The following SLC5A4 variants were observed in gnomAD, a reference collection of about 807,000 sequenced individuals.
SLC5A4 encodes the protein probable glucose sensor protein SLC5A4.
In SLC5A4, 55 loss-of-function variants were observed where a neutral mutation model predicts 70.3. The observed-to-expected ratio is 0.78, with a 90% CI of 0.63 to 0.98. The LOEUF is 0.98. SLC5A4 is among the 50% of genes least tolerant of loss of function. The pLI, the probability that SLC5A4 is intolerant of heterozygous loss-of-function variation, is 0.00. For synonymous variants in SLC5A4, 268 were observed against 305.7 expected, an observed-to-expected ratio of 0.88 and a Z score of 1.29; for missense variants, 735 against 839.2, an observed-to-expected ratio of 0.88 and a Z score of 1.53.
At chr22:32,219,749 A>G (rs1476604380) in intron 14 of SLC5A4, among the ~76,000 whole-genome samples, 1 of 151,944 alleles carries the variant, frequency 6.6e-6, no homozygotes, top group Admixed American at 6.6e-5. Flanking sequence ...CAAAGCCAGA[A>G]GTTAGTTCTT....
Position 32,247,452 on chromosome 22 carries a change from A to G in SLC5A4, c.436T>C (p.Ser146Pro). 6.2e-7 allele frequency: 1 copy of G among 1,613,776 alleles called. No individual in the cohort carries two copies. Among genetic ancestry groups the G allele is most frequent in the Non-Finnish European group, 8.5e-7 (1 of 1,179,644 alleles). Residue 146 changes from serine to proline, a missense_variant, in exon 5 of 15, where the codon TCC (serine) becomes CCC (proline). Transcript: ENST00000266086. Reference protein sequence around the residue: ...FGGERLQVYLSILSLFICVVL... With the variant: ...FGGERLQVYLPILSLFICVVL... Reference sequence around the variant, plus strand: ...ACACAGATGAAGAGGGAGAGGATGGAGAGGTAGACCTGGAGTCGCTCCCCA... The same window carrying G: ...ACACAGATGAAGAGGGAGAGGATGGGGAGGTAGACCTGGAGTCGCTCCCCA...
chr22:32,297,632 G>T, the SLC5A4 span, among the ~76,000 whole-genome samples: 1 of 112,510 alleles, frequency 8.9e-6, no homozygotes, highest in African/African-American at 3.3e-5. Flanking sequence ...TTTTTGAAGG[G>T]TTTTTTGTGT....
At chr22:32,289,643 G>A in the SLC5A4 span, among the ~76,000 whole-genome samples, 4,397 of 152,248 alleles carry the variant, frequency 0.029, 217 homozygotes, top group African/African-American at 0.1. Flanking sequence ...CTTGTGAAGA[G>A]GTGCCTTCTG....
At chr22:32,330,541 T>G in the SLC5A4 span, among the ~76,000 whole-genome samples, 1 of 124,422 alleles carries the variant, frequency 8.0e-6, no homozygotes, top group South Asian at 3.1e-4. Context: ...TGTTGGGGGC[T>G]CTGGTGTGTA....
the SLC5A4 span, among the ~76,000 whole-genome samples, chr22:32,308,847 T>G: frequency 2.6e-5 from 4 of 151,888 alleles, no homozygotes; most frequent in African/African-American, 7.2e-5. Context: ...CATGTATGCA[T>G]ATGTATGCAT....
the SLC5A4 span, chr22:32,327,146 T>G: frequency 2.0e-5 from 3 of 152,266 alleles, no homozygotes; most frequent in Non-Finnish European, 2.9e-5. Context: ...ATGTGTGCAT[T>G]CATTTCACCA....
chr22:32,243,114 G>C (rs1311621243), intron 5 of SLC5A4, among the ~76,000 whole-genome samples: 1 of 152,092 alleles, frequency 6.6e-6, no homozygotes, highest in East Asian at 1.9e-4. Context: ...GGAACAGACG[G>C]GCATTGAATG....
the SLC5A4 span, chr22:32,270,575 A>G: frequency 1.4e-6 from 1 of 727,048 alleles, no homozygotes. Flanking sequence ...ATGGGGCAGG[A>G]GATCATGGAG....
At chr22:32,316,547 A>C in the SLC5A4 span, among the ~76,000 whole-genome samples, 1 of 151,694 alleles carries the variant, frequency 6.6e-6, no homozygotes, top group African/African-American at 2.4e-5. Context: ...TACTTTTTTT[A>C]AAGACAGAGT....
chr22:32,343,117 C>T, the SLC5A4 span: 1 of 152,244 alleles, frequency 6.6e-6, no homozygotes, highest in African/African-American at 2.4e-5. Context: ...TGACAAAGGT[C>T]TTTATGACCA....
chr22:32,267,850 C>T, the SLC5A4 span, among the ~76,000 whole-genome samples: 11 of 152,304 alleles, frequency 7.2e-5, no homozygotes, highest in South Asian at 1.7e-3. Context: ...CCTGGCTGGA[C>T]GTGGTGGCTC....
chr22:32,329,112 A>G, the SLC5A4 span, among the ~76,000 whole-genome samples: 1 of 152,228 alleles, frequency 6.6e-6, no homozygotes, highest in South Asian at 2.1e-4. Context: ...GCTTCTCTGC[A>G]TCACACTTTC....
chr22:32,307,285 C>A, the SLC5A4 span, among the ~76,000 whole-genome samples: 1 of 148,336 alleles, frequency 6.7e-6, no homozygotes, highest in African/African-American at 2.6e-5. Context: ...ATCTGCTCTT[C>A]ATCAAGCATT....
At chr22:32,287,756 G>A in the SLC5A4 span, among the ~76,000 whole-genome samples, 1 of 150,542 alleles carries the variant, frequency 6.6e-6, no homozygotes, top group African/African-American at 2.4e-5. Flanking sequence ...AAAGTTGTTG[G>A]GATTACAGAC....
chr22:32,332,992 A>AT, the SLC5A4 span, among the ~76,000 whole-genome samples: 5 of 152,326 alleles, frequency 3.3e-5, no homozygotes, highest in East Asian at 9.7e-4. Flanking sequence ...CCTGATCAGC[A>AT]TCTCCATTAG....
the SLC5A4 span, among the ~76,000 whole-genome samples, chr22:32,308,818 A>T: frequency 6.6e-6 from 1 of 152,184 alleles, no homozygotes; most frequent in African/African-American, 2.4e-5. Flanking sequence ...GTGCATGCAC[A>T]GCTGGGTGTG....
chr22:32,327,484 G>A, the SLC5A4 span: 14 of 152,530 alleles, frequency 9.2e-5, no homozygotes, highest in African/African-American at 2.9e-4. Context: ...GTTGGGTAAA[G>A]AGAGGCTCAG....
In SLC5A4 at chr22:32,254,162, G is replaced by C; in HGVS notation, c.187C>G (p.Arg63Gly). The C allele has an allele frequency of 6.2e-7, 1 of 1,613,764 alleles. No individual in the cohort carries two copies. The highest frequency in any genetic ancestry group is 8.5e-7 in the Non-Finnish European group (1 of 1,179,782). ...CTTACCGGCCACCAGGCCATATCAC[G>C]ACCAGCGAGGAAGAAGCCTCCTATA... ...GTIGGFFLAG[R>G]DMAWWPMGAS... is the part of the protein sequence containing the mutation. The change falls in exon 2 of 15, where the codon CGT (arginine) becomes GGT (glycine). Residue 63 changes from arginine (R) to glycine (G), a missense_variant. Arg to Gly is a moderately radical substitution (Grantham distance 125, BLOSUM62 -2). Coordinates refer to ENST00000266086, the MANE Select transcript of SLC5A4 (RefSeq NM_014227.3).
At chr22:32,305,456 A>C in the SLC5A4 span, among the ~76,000 whole-genome samples, 1 of 149,110 alleles carries the variant, frequency 6.7e-6, no homozygotes, top group African/African-American at 2.5e-5. Context: ...TCGGATGACG[A>C]GACCTCTCTG....
Sources: gnomAD v4.1 joint callset for allele counts (sites outside exome capture counted in the v4.1 genomes callset) on GRCh38, gnomAD v4.1.1 for gene constraint, MANE v1.5 for transcripts, NCBI Gene and HGNC (gene_info 2026-07-23, HGNC 2026-07-21) for gene names.